MACROD2: variants seen among roughly 807,000 people sequenced by gnomAD.
MACROD2 encodes the protein ADP-ribose glycohydrolase MACROD2.
MACROD2 carries 36 observed loss-of-function variants against 70.4 expected under a neutral mutation model. The observed-to-expected ratio is 0.51, with a 90% CI of 0.39 to 0.68. The LOEUF is 0.68. MACROD2 is among the 30% of genes least tolerant of loss of function. The pLI is 0.00. For missense variants in MACROD2, 496 were observed against 538.4 expected (o/e 0.92, Z 0.78); for synonymous variants, 172 against 178.8 (o/e 0.96, Z 0.30).
chr20:15,254,483 C>T (rs1011916407), intron 6 of MACROD2, among the ~76,000 whole-genome samples: 8 of 151,978 alleles, frequency 5.3e-5, no homozygotes, highest in African/African-American at 1.7e-4. Flanking sequence ...TAGCTGTGCC[C>T]TTTTATCAAA....
intron 5 of MACROD2, among the ~76,000 whole-genome samples, chr20:14,781,948 C>G (rs2072307097): frequency 6.6e-6 from 1 of 151,394 alleles, no homozygotes; most frequent in African/African-American, 2.4e-5. Context: ...TTTTTTGAGA[C>G]AGAGTCTTGC....
intron 5 of MACROD2, among the ~76,000 whole-genome samples, chr20:15,118,315 C>A (rs1176357633): frequency 1.3e-5 from 2 of 151,814 alleles, no homozygotes; most frequent in Admixed American, 6.6e-5. Context: ...TCCTCAGCCT[C>A]CTGAGTAGCT....
At chr20:14,821,021 A>G (rs1419691862) in intron 5 of MACROD2, among the ~76,000 whole-genome samples, 3 of 152,090 alleles carry the variant, frequency 2.0e-5, no homozygotes, top group Admixed American at 1.3e-4. Context: ...AGGGTCTTAC[A>G]TGCCAGTTCA....
At chr20:14,463,307 G>C (rs1023918472) in intron 3 of MACROD2, among the ~76,000 whole-genome samples, 10 of 152,046 alleles carry the variant, frequency 6.6e-5, no homozygotes, top group African/African-American at 2.4e-4. Flanking sequence ...ATTGTGAATG[G>C]GAGTTCACTC....
At chr20:15,346,909 G>A (rs543529588) in intron 6 of MACROD2, among the ~76,000 whole-genome samples, 40 of 152,266 alleles carry the variant, frequency 2.6e-4, no homozygotes, top group Non-Finnish European at 4.9e-4. Flanking sequence ...CTCTGGGGCT[G>A]AAAATTTAAC....
intron 5 of MACROD2, among the ~76,000 whole-genome samples, chr20:14,722,815 A>G (rs2071485556): frequency 6.6e-6 from 1 of 152,200 alleles, no homozygotes; most frequent in Non-Finnish European, 1.5e-5. Context: ...TCTTAGTAGC[A>G]CTTTCTCTAT....
chr20:14,043,814 A>G (rs1332965886), intron 2 of MACROD2, among the ~76,000 whole-genome samples: 2 of 152,144 alleles, frequency 1.3e-5, no homozygotes, highest in Non-Finnish European at 2.9e-5. Context: ...GGAGGGAAAG[A>G]GAAGGTCAGA....
chr20:15,803,152 T>C (rs1256779685), intron 8 of MACROD2, among the ~76,000 whole-genome samples: 1 of 152,016 alleles, frequency 6.6e-6, no homozygotes, highest in Admixed American at 6.6e-5. Flanking sequence ...TCTTCCTAAC[T>C]CACCCTATGA....
At chr20:15,720,913 G>A (rs996730791) in intron 8 of MACROD2, among the ~76,000 whole-genome samples, 4 of 152,134 alleles carry the variant, frequency 2.6e-5, no homozygotes, top group Admixed American at 6.5e-5. Context: ...TCATTGCATA[G>A]TTGTTTGATT....
intron 4 of MACROD2, among the ~76,000 whole-genome samples, chr20:14,608,758 G>T (rs770184812): frequency 6.6e-6 from 1 of 152,088 alleles, no homozygotes; most frequent in Non-Finnish European, 1.5e-5. Flanking sequence ...AGTGAATGGG[G>T]CTGTAGGAAA....
intron 3 of MACROD2, among the ~76,000 whole-genome samples, chr20:14,449,808 C>T (rs2084224895): frequency 6.6e-6 from 1 of 152,090 alleles, no homozygotes; most frequent in African/African-American, 2.4e-5. Context: ...GAATCAGCAA[C>T]TAGAATCTGA....
At chr20:14,204,889 C>G (rs1380109679) in intron 3 of MACROD2, among the ~76,000 whole-genome samples, 1 of 152,166 alleles carries the variant, frequency 6.6e-6, no homozygotes, top group Non-Finnish European at 1.5e-5. Flanking sequence ...TTTTAAAGAA[C>G]TGTAGAGTCT....
intron 15 of MACROD2, among the ~76,000 whole-genome samples, chr20:16,027,021 A>C (rs1422365995): frequency 6.6e-6 from 1 of 152,216 alleles, no homozygotes; most frequent in Non-Finnish European, 1.5e-5. Context: ...ACAAAGATCA[A>C]AGATTAAGGC....
At chr20:15,114,945 A>G (rs2075981577) in intron 5 of MACROD2, among the ~76,000 whole-genome samples, 1 of 152,134 alleles carries the variant, frequency 6.6e-6, no homozygotes, top group African/African-American at 2.4e-5. Flanking sequence ...AAGAGGCTGT[A>G]TGTGTTTGGA....
intron 5 of MACROD2, among the ~76,000 whole-genome samples, chr20:15,095,582 A>G (rs1324138859): frequency 6.6e-6 from 1 of 151,500 alleles, no homozygotes; most frequent in African/African-American, 2.4e-5. Context: ...CAGTGGCACA[A>G]TCTCGGCTCA....
At chr20:14,621,698 T>G (rs1983836117) in intron 4 of MACROD2, 1 of 152,194 alleles carries the variant, frequency 6.6e-6, no homozygotes, top group South Asian at 2.1e-4. Flanking sequence ...AATTCTGAGC[T>G]GTGGCTGTGT....
intron 8 of MACROD2, among the ~76,000 whole-genome samples, chr20:15,519,052 C>CTCTTTCCTTCCTTCCTTCCTTCCT (rs1568863304): frequency 1.4e-5 from 2 of 141,718 alleles, no homozygotes; most frequent in African/African-American, 2.6e-5. Flanking sequence ...TGTTAACTCG[C>CTCTTTCCTTCCTTCCTTCCTTCCT]TCTTTCCTTC....
At chr20:14,677,713 C>A (rs2070879140) in intron 4 of MACROD2, among the ~76,000 whole-genome samples, 1 of 152,118 alleles carries the variant, frequency 6.6e-6, no homozygotes, top group Non-Finnish European at 1.5e-5. Context: ...TTTAATAAGT[C>A]TCTGTTTTAA....
At chr20:15,600,225 G>A (rs554176185) in intron 8 of MACROD2, among the ~76,000 whole-genome samples, 20 of 151,932 alleles carry the variant, frequency 1.3e-4, no homozygotes, top group Non-Finnish European at 2.2e-4. Context: ...GAGACCCCTG[G>A]GATGGCTTCC....
Sources: gnomAD v4.1 joint callset for allele counts (sites outside exome capture counted in the v4.1 genomes callset) on GRCh38, gnomAD v4.1.1 for gene constraint, MANE v1.5 for transcripts, NCBI Gene and HGNC (gene_info 2026-07-23, HGNC 2026-07-21) for gene names.